TNFRSF21: variants seen among roughly 807,000 people sequenced by gnomAD.
TNFRSF21 encodes TNF receptor superfamily member 21.
In TNFRSF21, 19 loss-of-function variants were observed where a neutral mutation model predicts 45.6. The observed-to-expected ratio is 0.42, with a 90% confidence interval of 0.29 to 0.61. The LOEUF (loss-of-function observed/expected upper bound fraction) is 0.61. Ranked by LOEUF, TNFRSF21 falls within the 20% of genes least tolerant of loss-of-function variation. The probability of loss-of-function intolerance (pLI) is 0.23; values close to 1 mark genes in which losing one functional copy is unlikely to be tolerated. For synonymous variants in TNFRSF21, 314 were observed against 335.5 expected (o/e 0.94, Z 0.70); for missense variants, 737 against 851.5 (o/e 0.87, Z 1.67).
intron 4 of TNFRSF21, among the ~76,000 whole-genome samples, chr6:47,236,263 G>A (rs1472649109): frequency 2.6e-5 from 4 of 151,982 alleles, no homozygotes; most frequent in Admixed American, 6.6e-5. Context: ...TGGCTCTTCC[G>A]GCATGGATAA....
chr6:47,243,047 T>C (rs1764770671), intron 4 of TNFRSF21, among the ~76,000 whole-genome samples: 1 of 152,238 alleles, frequency 6.6e-6, no homozygotes, highest in Admixed American at 6.5e-5. Context: ...TAAGAAGGCT[T>C]AAGTTCATCT....
intron 1 of TNFRSF21, among the ~76,000 whole-genome samples, chr6:47,295,182 T>C (rs1762776129): frequency 6.6e-6 from 1 of 152,176 alleles, no homozygotes; most frequent in Admixed American, 6.5e-5. Flanking sequence ...ACCTCTCTTG[T>C]TGTCACTTCT....
chr6:47,301,872 C>T (rs1161425092), intron 1 of TNFRSF21, among the ~76,000 whole-genome samples: 2 of 152,134 alleles, frequency 1.3e-5, no homozygotes, highest in African/African-American at 2.4e-5. Flanking sequence ...TTTATAGCAT[C>T]GCAAAACGGA....
At position 47,232,569 on chromosome 6, in the gene TNFRSF21, A is replaced by T; in HGVS notation, c.*196T>A. On this transcript the variant is annotated 3_prime_UTR_variant, in exon 6 of 6. Coordinates refer to ENST00000296861, the MANE Select transcript of TNFRSF21 (RefSeq NM_014452.5). ...ACTTCCCAGAAGAGTTATTTAAAAA[A>T]AAAAGAGAGAGAGAGAAGGAGAAAG... The T allele has an allele frequency of 1.8e-6, 1 of 561,966 alleles. No homozygotes were observed. The highest frequency in any genetic ancestry group is 2.6e-5 in the South Asian group (1 of 38,942). The allele number at this position is 561,966 out of a possible 1,614,324, so 34.8% of individuals were successfully genotyped here. A position where few individuals can be genotyped will look rare whatever the true frequency, so the allele number is the denominator to read the frequency against.
chr6:47,260,782 G>A (rs376572794), intron 3 of TNFRSF21, among the ~76,000 whole-genome samples: 6 of 152,242 alleles, frequency 3.9e-5, no homozygotes, highest in South Asian at 4.2e-4. Flanking sequence ...ATCAGGCTTC[G>A]TGCAGAATGG....
In TNFRSF21 at chr6:47,253,325, G is replaced by A. The variant is rs750259543; in HGVS notation, c.1440C>T (p.Ser480=). 180 of 1,613,766 alleles carry A rather than the reference G, an allele frequency of 1.1e-4. No individual in the cohort carries two copies. The highest frequency in any genetic ancestry group is 1.6e-4 in the Middle Eastern group (1 of 6,084). ...GPEASLAQLI[S]ALRQHRRNDV... Reference sequence around the variant, plus strand: ...CGTTTCTCCGGTGCTGGCGCAGGGCGCTAATTAGCTGGGCGAGGCTGGCCT... The same window carrying A: ...CGTTTCTCCGGTGCTGGCGCAGGGCACTAATTAGCTGGGCGAGGCTGGCCT... The change falls in exon 4 of 6, where the codon AGC becomes AGT. Residue 480 remains serine (S), a synonymous_variant. Coordinates refer to ENST00000296861, the MANE Select transcript of TNFRSF21 (RefSeq NM_014452.5).
chr6:47,243,533 T>C (rs563594059), intron 4 of TNFRSF21, among the ~76,000 whole-genome samples: 24 of 152,272 alleles, frequency 1.6e-4, no homozygotes, highest in Admixed American at 1.4e-3. Flanking sequence ...TTTTCGTGCC[T>C]TAGCCTCCTG....
At chr6:47,288,455 G>A (rs1221065477) in intron 1 of TNFRSF21, among the ~76,000 whole-genome samples, 1 of 151,982 alleles carries the variant, frequency 6.6e-6, no homozygotes, top group Non-Finnish European at 1.5e-5. Flanking sequence ...CTGGATGCTG[G>A]TTACTGGAGT....
Position 47,231,724 on chromosome 6 carries a change from G to T in TNFRSF21, c.*1041C>A, listed in dbSNP as rs1156394408. The T allele has an allele frequency of 6.6e-6, 1 of 152,576 alleles. No individual in the cohort carries two copies. The highest frequency in any genetic ancestry group is 1.5e-5 in the Non-Finnish European group (1 of 68,032). 9.5% of individuals were successfully genotyped at this position (152,576 alleles called of 1,614,324 possible). The stretch of plus-strand genomic sequence containing the variant: ...ATAGTTGCAAATATATCAGACAAGG[G>T]TTCTTACAGTTGCAGCCATTTTTAA... On this transcript the variant is annotated 3_prime_UTR_variant, in exon 6 of 6. Transcript: ENST00000296861.
At chr6:47,248,918 C>T (rs527724457) in intron 4 of TNFRSF21, among the ~76,000 whole-genome samples, 1 of 152,352 alleles carries the variant, frequency 6.6e-6, no homozygotes, top group African/African-American at 2.4e-5. Flanking sequence ...GTGGGTCACA[C>T]TCACCTCATT....
At chr6:47,233,062 G>A (rs999898809) in intron 5 of TNFRSF21, 68 bp from the exon 6 acceptor site, 37 of 1,454,620 alleles carry the variant, frequency 2.5e-5, no homozygotes, top group Non-Finnish European at 3.3e-5. Flanking sequence ...GGAGGAAGGA[G>A]AGCAGGGTCC....
chr6:47,238,667 A>G (rs372072442), intron 4 of TNFRSF21, among the ~76,000 whole-genome samples: 30 of 152,282 alleles, frequency 2.0e-4, no homozygotes, highest in African/African-American at 6.5e-4. Context: ...GGTTCAACTC[A>G]CTCAAGGCTG....
chr6:47,292,106 GGAC>G (rs1471446743), intron 1 of TNFRSF21, among the ~76,000 whole-genome samples: 1 of 152,060 alleles, frequency 6.6e-6, no homozygotes. Context: ...GGGGTGAGGT[GGAC>G]CCCATTCAAA....
At chr6:47,269,085 T>C (rs961281622) in intron 3 of TNFRSF21, among the ~76,000 whole-genome samples, 11 of 152,138 alleles carry the variant, frequency 7.2e-5, no homozygotes, top group African/African-American at 2.7e-4. Flanking sequence ...CTAACCCTAC[T>C]GGCCATGTGA....
intron 4 of TNFRSF21, among the ~76,000 whole-genome samples, chr6:47,245,800 A>T (rs918227291): frequency 3.3e-5 from 5 of 152,222 alleles, no homozygotes; most frequent in Admixed American, 1.3e-4. Flanking sequence ...TTATAAAGAA[A>T]TGAGGTTTCA....
At chr6:47,280,785 A>G (rs1241187971) in intron 3 of TNFRSF21, among the ~76,000 whole-genome samples, 1 of 152,222 alleles carries the variant, frequency 6.6e-6, no homozygotes, top group East Asian at 1.9e-4. Context: ...TTTTTACTCT[A>G]CAACTTGCTG....
At chr6:47,250,263 C>G (rs978115599) in intron 4 of TNFRSF21, among the ~76,000 whole-genome samples, 2 of 152,096 alleles carry the variant, frequency 1.3e-5, no homozygotes, top group African/African-American at 4.8e-5. Context: ...TTTTTAATAG[C>G]TTTGGTAAAA....
chr6:47,273,440 G>A (rs954909484), intron 3 of TNFRSF21, among the ~76,000 whole-genome samples: 3 of 152,108 alleles, frequency 2.0e-5, no homozygotes, highest in Non-Finnish European at 4.4e-5. Flanking sequence ...ATGCAGAAAA[G>A]GCCTTCGACA....
In TNFRSF21 at chr6:47,309,308, C is replaced by T. The variant is rs1479837691; in HGVS notation, c.96+108G>A. ...CCTCAGTGCCCGTAACCCAGTCGGC[C>T]GGGCCCCGCGCCTCCCTAAGCCCCG... is the stretch of plus-strand genomic sequence containing the variant. On this transcript the variant is annotated intron_variant, in intron 1 of 5. Coordinates refer to ENST00000296861, the MANE Select transcript of TNFRSF21 (RefSeq NM_014452.5). 6 of 1,412,362 alleles carry T rather than the reference C, an allele frequency of 4.2e-6. No homozygotes were observed. In the East Asian group the frequency reaches 8.9e-5, roughly 21 times the overall value. 87.5% of individuals were successfully genotyped at this position (1,412,362 alleles called of 1,614,324 possible).
Sources: allele counts gnomAD v4.1 joint callset (sites outside exome capture counted in the v4.1 genomes callset), GRCh38; gene constraint gnomAD v4.1.1; transcripts MANE v1.5; gene names NCBI Gene and HGNC (gene_info 2026-07-23, HGNC 2026-07-21).